The following TBX19 variants were observed in gnomAD, a reference collection of about 807,000 sequenced individuals.
The protein encoded by TBX19 is T-box transcription factor TBX19.
A neutral mutation model predicts 40.9 loss-of-function variants in TBX19; 33 were observed. That is an observed-to-expected ratio of 0.81 (90% confidence interval 0.61 to 1.08). The LOEUF is 1.08. Ranked by LOEUF, TBX19 falls within the 50% of genes least tolerant of loss-of-function variation. The pLI, the probability that TBX19 is intolerant of heterozygous loss-of-function variation, is 0.00. For synonymous variants in TBX19, 220 were observed against 225.0 expected (o/e 0.98, Z 0.20); for missense variants, 494 against 574.0 (o/e 0.86, Z 1.42).
In TBX19 at chr1:168,305,147, G is replaced by A. The variant is rs149773867; in HGVS notation, c.867G>A (p.Arg289=). 1.0e-4 allele frequency: 164 copies of A among 1,613,716 alleles called. No individual in the cohort carries two copies. The highest frequency in any genetic ancestry group is 1.3e-4 in the Non-Finnish European group (153 of 1,180,030). The part of the protein sequence containing the change: ...CEHYSGLRGH[R]QAPYPSAYMH... Reference sequence around the variant, plus strand: ...ACTATTCGGGTCTCCGAGGACACCGGCAGGCTCCCTACCCTTCTGCGTACA... The same window carrying A: ...ACTATTCGGGTCTCCGAGGACACCGACAGGCTCCCTACCCTTCTGCGTACA... Residue 289 remains arginine (R), a synonymous_variant, in exon 6 of 8, where the codon CGG becomes CGA. Coordinates refer to ENST00000367821, the MANE Select transcript of TBX19 (RefSeq NM_005149.3).
In TBX19 at chr1:168,313,758, G is replaced by C. The variant is rs1029666842; in HGVS notation, c.*756G>C. The C allele has an allele frequency of 7.9e-5, 12 of 152,458 alleles. No homozygotes were observed. The highest frequency in any genetic ancestry group is 2.7e-4 in the African/African-American group (11 of 41,428). 9.4% of individuals were successfully genotyped at this position (152,458 alleles called of 1,614,324 possible). ...TGAGAGCCTGTCTCTACAAAAAATA[G>C]TCATGCACACAAAATTAGCTGGGCA... On this transcript the variant is annotated 3_prime_UTR_variant, in exon 8 of 8. Transcript: ENST00000367821.
chr1:168,284,931 G>A (rs1356237846), intron 1 of TBX19, among the ~76,000 whole-genome samples: 4 of 152,048 alleles, frequency 2.6e-5, no homozygotes, highest in African/African-American at 4.8e-5. Context: ...ATTCACCAGT[G>A]CTTGATGATT....
At chr1:168,282,385 G>A (rs2205695) in intron 1 of TBX19, among the ~76,000 whole-genome samples, 97,804 of 152,012 alleles carry the variant, frequency 0.64, 31,604 homozygotes, top group Non-Finnish European at 0.68. Context: ...TTATGAACTC[G>A]AGAGCTGTTA....
chr1:168,302,544 CTT>C (rs1360768525), intron 5 of TBX19, among the ~76,000 whole-genome samples: 12 of 152,128 alleles, frequency 7.9e-5, no homozygotes, highest in Non-Finnish European at 1.6e-4. Flanking sequence ...AAGTCTCAGT[CTT>C]TGCCCATAAA....
intron 1 of TBX19, among the ~76,000 whole-genome samples, chr1:168,285,900 CAA>C (rs1364495243): frequency 1.3e-5 from 2 of 152,012 alleles, no homozygotes; most frequent in African/African-American, 4.8e-5. Flanking sequence ...CATTGTGAGA[CAA>C]AAGAGGGGAA....
At chr1:168,287,060 A>G (rs193243903) in intron 1 of TBX19, among the ~76,000 whole-genome samples, 1 of 152,356 alleles carries the variant, frequency 6.6e-6, no homozygotes, top group East Asian at 1.9e-4. Context: ...AAAGATGGAA[A>G]GCCATTACAC....
rs568039867 is a variant in TBX19, at chr1:168,312,148, C to T, written c.1053-560C>T. 5.1e-4 allele frequency among the ~76,000 whole-genome samples: 77 copies of T among 152,326 alleles called. 1 individual carries two copies. Among genetic ancestry groups the T allele is most frequent in the African/African-American group, 1.8e-3 (75 of 41,570 alleles). ...AGTACTACATGCTAAGGACCATATACTCCTCTTATTTAATCCTTGTAGCAA... is the reference window on the plus strand; with the variant it reads ...AGTACTACATGCTAAGGACCATATATTCCTCTTATTTAATCCTTGTAGCAA... On this transcript the variant is annotated intron_variant, in intron 7 of 7. Coordinates refer to ENST00000367821, the MANE Select transcript of TBX19 (RefSeq NM_005149.3).
intron 1 of TBX19, among the ~76,000 whole-genome samples, chr1:168,288,829 T>C (rs1035701570): frequency 5.3e-5 from 8 of 152,042 alleles, no homozygotes; most frequent in Admixed American, 1.3e-4. Flanking sequence ...GGTGTGATAA[T>C]AGCTCACTAC....
At chr1:168,299,598 C>T (rs1649225082) in intron 4 of TBX19, among the ~76,000 whole-genome samples, 1 of 144,386 alleles carries the variant, frequency 6.9e-6, no homozygotes, top group African/African-American at 2.9e-5. Flanking sequence ...GCTTCAGCCT[C>T]CCAAGTAGTG....
At chr1:168,293,586 T>A (rs1427216854) in intron 3 of TBX19, among the ~76,000 whole-genome samples, 1 of 152,202 alleles carries the variant, frequency 6.6e-6, no homozygotes, top group African/African-American at 2.4e-5. Context: ...CTATGTGTCC[T>A]TGGCCTGTGC....
chr1:168,303,521 C>G (rs550453876), intron 5 of TBX19, among the ~76,000 whole-genome samples: 2 of 152,268 alleles, frequency 1.3e-5, no homozygotes, highest in East Asian at 3.9e-4. Flanking sequence ...GATCCAGACC[C>G]CAACAAAGGG....
At chr1:168,304,623 G>A (rs977479945) in intron 5 of TBX19, among the ~76,000 whole-genome samples, 1 of 152,190 alleles carries the variant, frequency 6.6e-6, no homozygotes, top group East Asian at 1.9e-4. Context: ...CTTTACAAAG[G>A]CAGTTGAGTT....
At chr1:168,281,345 G>T in intron 1 of TBX19, 52 bp downstream of exon 1, 3 of 1,542,632 alleles carry the variant, frequency 1.9e-6, no homozygotes, top group Non-Finnish European at 2.7e-6. Flanking sequence ...CAGGAGAGAT[G>T]AGACCCCTTG....
At chr1:168,294,993 T>TA (rs1572477110) in intron 3 of TBX19, among the ~76,000 whole-genome samples, 2 of 151,686 alleles carry the variant, frequency 1.3e-5, no homozygotes, top group African/African-American at 4.8e-5. Flanking sequence ...TCTAATAGGT[T>TA]AAAAAAAATA....
intron 1 of TBX19, among the ~76,000 whole-genome samples, chr1:168,285,475 G>A (rs1233739455): frequency 6.6e-6 from 1 of 152,146 alleles, no homozygotes. Context: ...ACTTCTCATA[G>A]CCTCCTCCAG....
rs1462052241 is a variant in TBX19, at chr1:168,305,062, A to G, written c.782A>G (p.Asn261Ser). ...PDGVCTAGNS[N>S]YQYAAPLPLP... ...GGAGTGTGCACAGCAGGAAACTCCA[A>G]TTACCAGTATGCCGCTCCTCTGCCT... Residue 261 changes from asparagine (N) to serine (S), a missense_variant, in exon 6 of 8, where the codon AAT becomes AGT. Asn to Ser is a conservative substitution (Grantham distance 46). Coordinates refer to ENST00000367821, the MANE Select transcript of TBX19 (RefSeq NM_005149.3). The G allele has an allele frequency of 2.5e-6, 4 of 1,614,004 alleles. No homozygotes were observed. Among genetic ancestry groups the G allele is most frequent in the Non-Finnish European group, 3.4e-6 (4 of 1,179,992 alleles).
chr1:168,292,182 A>G (rs532180150), intron 2 of TBX19, among the ~76,000 whole-genome samples: 24 of 152,164 alleles, frequency 1.6e-4, no homozygotes, highest in Non-Finnish European at 2.9e-5. Flanking sequence ...CCCTTCTCTG[A>G]TCTCTGTGCT....
In TBX19 at chr1:168,308,802, C is replaced by G; in HGVS notation, c.977C>G (p.Thr326Ser). The G allele has an allele frequency of 6.2e-7, 1 of 1,614,158 alleles. No homozygotes were observed. The highest frequency in any genetic ancestry group is 8.5e-7 in the Non-Finnish European group (1 of 1,180,032). Residue 326 changes from threonine (T) to serine (S), a missense_variant, in exon 7 of 8, where the codon ACT becomes AGT. Thr to Ser is a moderately conservative substitution (Grantham distance 58). Transcript: ENST00000367821. ...LQVFSGPDSW[T>S]SLSSTPHASI... ...GTTTTCTCGGGACCTGACAGCTGGA[C>G]TTCCTTATCCTCCACACCCCATGCC...
In TBX19 at chr1:168,281,245, A is replaced by G; in HGVS notation, c.155A>G (p.Gln52Arg). ...QIILEDAPLW[Q>R]RFKEVTNEMI... ...ATCCTGGAGGATGCACCTCTCTGGC[A>G]GAGATTCAAGGAAGTCACTAATGAG... The change falls in exon 1 of 8, where the codon CAG (glutamine) becomes CGG (arginine). Residue 52 changes from glutamine to arginine, a missense_variant. Coordinates refer to ENST00000367821, the MANE Select transcript of TBX19 (RefSeq NM_005149.3). 1 of 1,614,090 alleles carries G rather than the reference A, an allele frequency of 6.2e-7. No individual in the cohort carries two copies. The highest frequency in any genetic ancestry group is 8.5e-7 in the Non-Finnish European group (1 of 1,179,926).
Sources: gnomAD v4.1 joint callset for allele counts (sites outside exome capture counted in the v4.1 genomes callset) on GRCh38, gnomAD v4.1.1 for gene constraint, MANE v1.5 for transcripts, NCBI Gene and HGNC (gene_info 2026-07-23, HGNC 2026-07-21) for gene names.